BTN3A1: variants seen among roughly 807,000 people sequenced by gnomAD.
The protein encoded by BTN3A1 is dJ45P21.3 (butyrophilin, subfamily 3, member A1).
BTN3A1 carries 24 observed loss-of-function variants against 43.0 expected under a neutral mutation model. That is an observed-to-expected ratio of 0.56 (90% CI 0.40 to 0.78). BTN3A1 has a LOEUF of 0.78. Among genes scored for constraint, BTN3A1 ranks in the 30% least tolerant of loss-of-function variants. BTN3A1 has a pLI of 0.00. For synonymous variants in BTN3A1, 181 were observed against 234.7 expected, an observed-to-expected ratio of 0.77 and a Z score of 2.09; for missense variants, 533 against 626.2, an observed-to-expected ratio of 0.85 and a Z score of 1.59.
intron 7 of BTN3A1, 84 bp from the exon 8 acceptor site, chr6:26,411,025 A>AAAAAAAAATT: frequency 2.3e-5 from 18 of 796,960 alleles, no homozygotes; most frequent in Non-Finnish European, 3.3e-5. Context: ...AAAAAAAAAG[A>AAAAAAAAATT]TTAGATGGAT....
chr6:26,410,305 G>A (rs566744418), intron 7 of BTN3A1, among the ~76,000 whole-genome samples: 11 of 151,964 alleles, frequency 7.2e-5, no homozygotes, highest in Non-Finnish European at 1.2e-4. Context: ...AGCTGGTCTC[G>A]AAGAAAAGAT....
Position 26,413,317 on chromosome 6 carries a change from C to T in BTN3A1, c.1167C>T (p.Ser389=). ...NWHYCVLGCE[S]FISGRHYWEV... is the part of the protein sequence containing the mutation. ...ATTATTGTGTTCTCGGCTGTGAGAG[C>T]TTCATATCAGGGAGACATTACTGGG... The change falls in exon 10 of 10, where the codon AGC becomes AGT. Residue 389 remains serine (S), a synonymous_variant. Transcript: ENST00000289361. 6.2e-7 allele frequency: 1 copy of T among 1,614,124 alleles called. No individual in the cohort carries two copies. Among genetic ancestry groups the T allele is most frequent in the East Asian group, 2.2e-5 (1 of 44,880 alleles).
intron 9 of BTN3A1, chr6:26,412,815 T>A: frequency 6.5e-7 from 1 of 1,549,722 alleles, no homozygotes; most frequent in Non-Finnish European, 8.7e-7. Flanking sequence ...CGAATGAAGG[T>A]TGAAAATTAA....
chr6:26,412,503 G>T (rs1762253935), intron 9 of BTN3A1: 1 of 1,548,744 alleles, frequency 6.5e-7, no homozygotes, highest in African/African-American at 1.4e-5. Context: ...CAGATTCCTG[G>T]GGCCCAGAAG....
Position 26,409,593 on chromosome 6 carries a change from T to C in BTN3A1, c.776T>C (p.Leu259Ser). Reference protein sequence around the residue: ...IAALAGTLPVLLLLLGGAGYF... With the variant: ...IAALAGTLPVSLLLLGGAGYF... ...GCCCTGGCAGGGACCCTGCCTGTCT[T>C]GCTGCTGCTTCTTGGGGGAGCCGGT... The change falls in exon 5 of 10, where the codon TTG (leucine) becomes TCG (serine). Residue 259 changes from leucine to serine, a missense_variant. Physicochemically the swap from Leu to Ser is moderately radical, Grantham distance 145. Coordinates refer to ENST00000289361, the MANE Select transcript of BTN3A1 (RefSeq NM_007048.6). 6.2e-7 allele frequency: 1 copy of C among 1,613,430 alleles called. No individual in the cohort carries two copies. Among genetic ancestry groups the C allele is most frequent in the Non-Finnish European group, 8.5e-7 (1 of 1,179,828 alleles).
Position 26,405,534 on chromosome 6 carries a change from C to A in BTN3A1, c.-30C>A, listed in dbSNP as rs1761983980. The A allele has an allele frequency of 4.4e-6, 7 of 1,605,750 alleles. No homozygotes were observed. The highest frequency in any genetic ancestry group is 3.3e-5 in the South Asian group (3 of 90,864). ...TCCAGGTCATAGTGTCTGCCCCCCA[C>A]CTTCCAGTATCTCCTGATATGCAGC... On this transcript the variant is annotated 5_prime_UTR_variant, in exon 2 of 10. Transcript: ENST00000289361.
rs765526774 is a variant in BTN3A1, at chr6:26,413,310, G to A, written c.1160G>A (p.Cys387Tyr). Residue 387 changes from cysteine (C) to tyrosine (Y), a missense_variant, in exon 10 of 10, where the codon TGT becomes TAT. By Grantham distance (194) the Cys-to-Tyr change is radical. This residue lies in a region of BTN3A1 where 415 missense variants were observed against 427.0 expected (regional missense o/e 0.97). Transcript: ENST00000289361. ...RFNWHYCVLGCESFISGRHYW... is the reference protein window; with the variant it reads ...RFNWHYCVLGYESFISGRHYW... ...AATTGGCATTATTGTGTTCTCGGCT[G>A]TGAGAGCTTCATATCAGGGAGACAT... The A allele has an allele frequency of 3.7e-6, 6 of 1,614,196 alleles. No individual in the cohort carries two copies. The South Asian group carries it at 4.4e-5, about 12-fold the overall frequency.
At position 26,409,537 on chromosome 6, in the gene BTN3A1, CT is replaced by C. The variant is rs1762132970; in HGVS notation, c.722del (p.Phe241SerfsTer50). 1 of 1,613,536 alleles carries C rather than the reference CT, an allele frequency of 6.2e-7. No individual in the cohort carries two copies. Among genetic ancestry groups the C allele is most frequent in the African/African-American group, 1.3e-5 (1 of 74,878 alleles). On this transcript the variant is annotated frameshift_variant, in exon 5 of 10. Transcript: ENST00000289361. LOFTEE classifies it high-confidence loss of function. ...CCACAGCCGTTGCCTTCACAGACCC[CT>C]TCTTCAGGAGCGCCCAGAGGTGGAT... Reference protein sequence around the residue: ...KTASISIADPFFRSAQRWIAA... With the variant: ...KTASISIADPXFRSAQRWIAA...
In BTN3A1 at chr6:26,414,738, G is replaced by A. The variant is rs921502837; in HGVS notation, c.*1046G>A. The A allele has an allele frequency of 2.0e-5, 3 of 151,490 alleles. No individual in the cohort carries two copies. The highest frequency in any genetic ancestry group is 2.9e-5 in the Non-Finnish European group (2 of 67,912). 9.4% of individuals were successfully genotyped at this position (151,490 alleles called of 1,614,324 possible). A position where few individuals can be genotyped will look rare whatever the true frequency, so the allele number is the denominator to read the frequency against. On this transcript the variant is annotated 3_prime_UTR_variant, in exon 10 of 10. Transcript: ENST00000289361. ...AGTCTTACTCTGTTGCTAGGCTGGA[G>A]TGCAGTGGTGCGATCTCAGCTCCCT...
rs374921833 is a variant in BTN3A1, at chr6:26,405,606, C to A, written c.43C>A (p.Arg15Ser). 1.3e-5 allele frequency: 21 copies of A among 1,614,172 alleles called. No individual in the cohort carries two copies. In the African/African-American group the frequency reaches 2.7e-4, roughly 20 times the overall value. ...CCTGGCCTTCCTTCTGCTCAACTTT[C>A]GTGTCTGCCTCCTTTTGCTTCAGCT... ...SFLAFLLLNF[R>S]VCLLLLQLLM... is the part of the protein sequence containing the mutation. The change falls in exon 2 of 10, where the codon CGT (arginine) becomes AGT (serine). Residue 15 changes from arginine to serine, a missense_variant. Physicochemically the swap from Arg to Ser is moderately radical, Grantham distance 110 (BLOSUM62 -1). This residue lies in a region of BTN3A1 where 56 missense variants were observed against 67.1 expected (regional missense o/e 0.83). Transcript: ENST00000289361.
chr6:26,406,514 G>T (rs1762024908), intron 3 of BTN3A1, among the ~76,000 whole-genome samples: 1 of 152,218 alleles, frequency 6.6e-6, no homozygotes, highest in South Asian at 2.1e-4. Context: ...TGAAGGACAA[G>T]GGATAGAAAG....
intron 4 of BTN3A1, among the ~76,000 whole-genome samples, chr6:26,408,716 G>A (rs1248634189): frequency 1.3e-5 from 2 of 152,150 alleles, no homozygotes. Flanking sequence ...GCACAAGGTT[G>A]GAAACTATGC....
chr6:26,411,778 C>T, intron 9 of BTN3A1, 197 bp downstream of exon 9: 1 of 629,344 alleles, frequency 1.6e-6, no homozygotes, highest in Non-Finnish European at 2.7e-6. Context: ...CCCAGGGAAC[C>T]AGGGCGAATA....
At chr6:26,405,819 G>T in intron 2 of BTN3A1, 90 bp from the exon 3 acceptor site, 1 of 1,607,194 alleles carries the variant, frequency 6.2e-7, no homozygotes, top group Non-Finnish European at 8.5e-7. Context: ...CAGTTTCTTT[G>T]TATCTCGCCT....
Position 26,414,512 on chromosome 6 carries a change from T to G in BTN3A1, c.*820T>G, listed in dbSNP as rs772202473. 9.2e-5 allele frequency: 14 copies of G among 152,218 alleles called. No individual in the cohort carries two copies. Among genetic ancestry groups the G allele is most frequent in the Non-Finnish European group, 1.9e-4 (13 of 68,090 alleles). The allele number at this position is 152,218 out of a possible 1,614,324, so 9.4% of individuals were successfully genotyped here. A position where few individuals can be genotyped will look rare whatever the true frequency, so the allele number is the denominator to read the frequency against. On this transcript the variant is annotated 3_prime_UTR_variant, in exon 10 of 10. Coordinates refer to ENST00000289361, the MANE Select transcript of BTN3A1 (RefSeq NM_007048.6). Reference sequence around the variant, plus strand: ...CATGACACGTGATTTGGAAAGAGACTAGAGGCCACACTTGATAAATCATGG... The same window carrying G: ...CATGACACGTGATTTGGAAAGAGACGAGAGGCCACACTTGATAAATCATGG...
At position 26,405,553 on chromosome 6, in the gene BTN3A1, A is replaced by T. The variant is rs1253885151; in HGVS notation, c.-11A>T. 6.2e-7 allele frequency: 1 copy of T among 1,613,724 alleles called. No individual in the cohort carries two copies. Among genetic ancestry groups the T allele is most frequent in the Non-Finnish European group, 8.5e-7 (1 of 1,179,738 alleles). Reference sequence around the variant, plus strand: ...CCCCCACCTTCCAGTATCTCCTGATATGCAGCATGAATGAAAATGGCAAGT... The same window carrying T: ...CCCCCACCTTCCAGTATCTCCTGATTTGCAGCATGAATGAAAATGGCAAGT... On this transcript the variant is annotated 5_prime_UTR_variant, in exon 2 of 10. The change abolishes an upstream ATG in the 5' untranslated region. Coordinates refer to ENST00000289361, the MANE Select transcript of BTN3A1 (RefSeq NM_007048.6).
At chr6:26,411,437 C>T in intron 8 of BTN3A1, 118 bp from the exon 9 acceptor site, 16 of 1,301,314 alleles carry the variant, frequency 1.2e-5, no homozygotes, top group East Asian at 2.3e-5. Context: ...AAGAGGGAGG[C>T]TGGACCCTGG....
intron 2 of BTN3A1, 87 bp from the exon 3 acceptor site, chr6:26,405,822 T>C: frequency 1.2e-6 from 2 of 1,608,510 alleles, no homozygotes; most frequent in Non-Finnish European, 1.7e-6. Context: ...TTTCTTTGTA[T>C]CTCGCCTTCC....
rs1170183887 is a variant in BTN3A1 at position 26,411,000 on chromosome 6, T to TAAAAAAAAAAA, written c.965-96_965-86dup. 388 of 359,564 alleles carry TAAAAAAAAAAA rather than the reference T, an allele frequency of 1.1e-3. 11 individuals carry two copies. Among genetic ancestry groups the TAAAAAAAAAAA allele is most frequent in the South Asian group, 2.1e-3 (44 of 21,412 alleles). 22.3% of individuals were successfully genotyped at this position (359,564 alleles called of 1,614,324 possible). A position where few individuals can be genotyped will look rare whatever the true frequency, so the allele number is the denominator to read the frequency against. ...CTGCAGAGGAGGAAGATACAGGTGG[T>TAAAAAAAAAAA]AAAAAAAAAAAAAAAAAAAAAAAGA... On this transcript the variant is annotated intron_variant, in intron 7 of 9. Coordinates refer to ENST00000289361, the MANE Select transcript of BTN3A1 (RefSeq NM_007048.6).
Sources: allele counts gnomAD v4.1 joint callset (sites outside exome capture counted in the v4.1 genomes callset), GRCh38; gene constraint gnomAD v4.1.1; regional missense constraint gnomAD v4.1.1; transcripts MANE v1.5; gene names NCBI Gene and HGNC (gene_info 2026-07-23, HGNC 2026-07-21).